The following SHANK2 variants were observed in gnomAD, a reference collection of about 807,000 sequenced individuals.
SHANK2 encodes the protein SH3 and multiple ankyrin repeat domains protein 2.
In SHANK2, 43 loss-of-function variants were observed where a neutral mutation model predicts 133.7. That is an observed-to-expected ratio of 0.32 (90% confidence interval 0.25 to 0.41). SHANK2 has a LOEUF of 0.41. SHANK2 is among the 10% of genes least tolerant of loss of function. The probability of loss-of-function intolerance (pLI) is 1.00; values close to 1 mark genes in which losing one functional copy is unlikely to be tolerated. For missense variants in SHANK2, 1,994 were observed against 2,235.8 expected (o/e 0.89, Z 2.18); for synonymous variants, 1,017 against 952.8 (o/e 1.07, Z -1.24).
rs561125013 is a variant in SHANK2, at chr11:70,682,564, C to T, written c.1853+16124G>A. Among the ~76,000 whole-genome samples the T allele has an allele frequency of 3.3e-5, 5 of 152,336 alleles. No homozygotes were observed. The South Asian group carries it at 8.3e-4, about 25-fold the overall frequency. On this transcript the variant is annotated intron_variant, in intron 15 of 25. Coordinates refer to ENST00000601538, the MANE Select transcript of SHANK2 (RefSeq NM_012309.5). ...AGTGGGACCAGGAGGATGATATTGA[C>T]TTTCTATATTTCTGCATTCTTTGAA...
intron 17 of SHANK2, among the ~76,000 whole-genome samples, chr11:70,559,517 G>A (rs537487018): frequency 2.0e-5 from 3 of 152,174 alleles, no homozygotes; most frequent in African/African-American, 7.2e-5. Context: ...CCCCAGAGCC[G>A]CCTCAGCTTT....
chr11:70,752,874 G>A (rs533458286), intron 14 of SHANK2, among the ~76,000 whole-genome samples: 18 of 152,206 alleles, frequency 1.2e-4, no homozygotes, highest in Non-Finnish European at 2.2e-4. Context: ...AGTACCTTGC[G>A]GGGCCGAGGC....
Position 70,473,749 on chromosome 11 carries a change from G to T in SHANK2, c.4980-310C>A. The T allele has an allele frequency of 2.3e-6, 1 of 443,174 alleles. No homozygotes were observed. The allele number at this position is 443,174 out of a possible 1,614,324, so 27.5% of individuals were successfully genotyped here. On this transcript the variant is annotated intron_variant, in intron 25 of 25. Coordinates refer to ENST00000601538, the MANE Select transcript of SHANK2 (RefSeq NM_012309.5). The surrounding 1 kb of genome is among the most constrained non-coding windows in gnomAD (Gnocchi z 5.9). Reference sequence around the variant, plus strand: ...CAGCCCACTCACCTGAACTGGGACAGAGGGGCTGGGGGACCTGCCTGTGCT... The same window carrying T: ...CAGCCCACTCACCTGAACTGGGACATAGGGGCTGGGGGACCTGCCTGTGCT...
At position 70,616,231 on chromosome 11, in the gene SHANK2, C is replaced by CTCCG. The variant is rs1390213727; in HGVS notation, c.2061+43593_2061+43596dup. Reference sequence around the variant, plus strand: ...GGACCCCACGGCCGACTGCTCCTTGCTCCGATAAGTAGCTACTGAGCTGAA... The same window carrying CTCCG: ...GGACCCCACGGCCGACTGCTCCTTGCTCCGTCCGATAAGTAGCTACTGAGCTGAA... On this transcript the variant is annotated intron_variant, in intron 17 of 25. Coordinates refer to ENST00000601538, the MANE Select transcript of SHANK2 (RefSeq NM_012309.5). Among the ~76,000 whole-genome samples the CTCCG allele has an allele frequency of 2.0e-5, 3 of 152,174 alleles. No individual in the cohort carries two copies. In the East Asian group the frequency reaches 5.8e-4, roughly 29 times the overall value.
chr11:70,863,364 T>G (rs1379769196), intron 11 of SHANK2: 1 of 457,844 alleles, frequency 2.2e-6, no homozygotes, highest in African/African-American at 2.0e-5. Context: ...CAGCCCGACC[T>G]CATCCTGGTT....
At chr11:70,625,258 C>A (rs1554999570) in intron 17 of SHANK2, among the ~76,000 whole-genome samples, 2 of 152,148 alleles carry the variant, frequency 1.3e-5, no homozygotes, top group African/African-American at 4.8e-5. Context: ...TGGGGCATTG[C>A]CGCCAGGGAT....
chr11:71,155,946 G>A (rs1425444152), intron 2 of SHANK2, among the ~76,000 whole-genome samples: 1 of 152,214 alleles, frequency 6.6e-6, no homozygotes, highest in Admixed American at 6.5e-5. Flanking sequence ...GTTCCACAAG[G>A]TCTTACAGGT....
At chr11:71,120,613 C>T (rs561598697) in intron 3 of SHANK2, among the ~76,000 whole-genome samples, 105 of 152,274 alleles carry the variant, frequency 6.9e-4, no homozygotes, top group African/African-American at 2.4e-3. Flanking sequence ...GCTGAGCTCA[C>T]GTGTGGCTCT....
rs1224937232 is a variant in SHANK2, at chr11:71,224,791, C to T, written c.-107G>A. On this transcript the variant is annotated 5_prime_UTR_variant, in exon 2 of 26. Coordinates refer to ENST00000601538, the MANE Select transcript of SHANK2 (RefSeq NM_012309.5). Reference sequence around the variant, plus strand: ...CAAAGCAGGGTGCCTGGAGAGATTTCCAGACCTGTGGAGAGATAATGAGAC... The same window carrying T: ...CAAAGCAGGGTGCCTGGAGAGATTTTCAGACCTGTGGAGAGATAATGAGAC... 1 of 152,184 alleles carries T rather than the reference C, an allele frequency of 6.6e-6. No homozygotes were observed. The highest frequency in any genetic ancestry group is 1.5e-5 in the Non-Finnish European group (1 of 68,086). The allele number at this position is 152,184 out of a possible 1,614,324, so 9.4% of individuals were successfully genotyped here. A position where few individuals can be genotyped will look rare whatever the true frequency, so the allele number is the denominator to read the frequency against.
chr11:71,089,517 G>C (rs1380045773), intron 8 of SHANK2, among the ~76,000 whole-genome samples: 3 of 151,996 alleles, frequency 2.0e-5, no homozygotes, highest in Non-Finnish European at 4.4e-5. Flanking sequence ...GGAACACCAG[G>C]GGCTTGCATC....
At chr11:70,712,118 C>T (rs528847714) in intron 14 of SHANK2, among the ~76,000 whole-genome samples, 7 of 152,302 alleles carry the variant, frequency 4.6e-5, no homozygotes, top group South Asian at 2.1e-4. Context: ...TTGCTTCCCC[C>T]GCCCGGCTTC....
At chr11:71,176,413 T>C (rs1042880919) in intron 2 of SHANK2, among the ~76,000 whole-genome samples, 5 of 151,880 alleles carry the variant, frequency 3.3e-5, no homozygotes, top group African/African-American at 1.2e-4. Flanking sequence ...ATGAGGAAAA[T>C]AACCAATCAA....
intron 9 of SHANK2, among the ~76,000 whole-genome samples, chr11:71,068,657 T>G (rs1190933259): frequency 6.6e-6 from 1 of 152,238 alleles, no homozygotes; most frequent in African/African-American, 2.4e-5. Context: ...CAGCTGCTGC[T>G]CTGAAGATTC....
chr11:70,611,917 G>A (rs371141800), intron 17 of SHANK2, among the ~76,000 whole-genome samples: 4 of 133,042 alleles, frequency 3.0e-5, no homozygotes, highest in East Asian at 5.1e-4. Flanking sequence ...TGCTGAAAGG[G>A]AACGAGAAGC....
intron 25 of SHANK2, among the ~76,000 whole-genome samples, chr11:70,478,640 A>G (rs1591479073): frequency 6.6e-6 from 1 of 152,168 alleles, no homozygotes; most frequent in East Asian, 1.9e-4. Context: ...CATATTGCCC[A>G]GCTGTGCCAT....
chr11:70,595,240 AG>A (rs2060383446), intron 17 of SHANK2, among the ~76,000 whole-genome samples: 1 of 152,136 alleles, frequency 6.6e-6, no homozygotes. Flanking sequence ...GGCAGTTTGA[AG>A]GGTGCAGCCC....
At chr11:70,693,767 G>C (rs117886573) in intron 15 of SHANK2, among the ~76,000 whole-genome samples, 3,272 of 152,252 alleles carry the variant, frequency 0.021, 69 homozygotes, top group Non-Finnish European at 0.029. Flanking sequence ...TGGATGGATG[G>C]GTGGGTAGGT....
intron 19 of SHANK2, 87 bp downstream of exon 19, chr11:70,502,119 G>A (rs2059063041): frequency 1.4e-6 from 2 of 1,431,816 alleles, no homozygotes; most frequent in African/African-American, 2.8e-5. Flanking sequence ...AGCAAGCGTG[G>A]GGTCATGCAC....
intron 14 of SHANK2, among the ~76,000 whole-genome samples, chr11:70,747,229 A>G (rs1034765722): frequency 6.6e-6 from 1 of 151,976 alleles, no homozygotes; most frequent in Non-Finnish European, 1.5e-5. Context: ...CAGAGTTTGC[A>G]GCAAGTGCAC....
Sources: gnomAD v4.1 joint callset for allele counts (sites outside exome capture counted in the v4.1 genomes callset) on GRCh38, gnomAD v4.1.1 for gene constraint, Gnocchi (gnomAD v3.1) non-coding constraint, MANE v1.5 for transcripts, NCBI Gene and HGNC (gene_info 2026-07-23, HGNC 2026-07-21) for gene names.